The following DENND2A variants were observed in gnomAD, a reference collection of about 807,000 sequenced individuals.
The protein encoded by DENND2A is DENN domain containing 2A.
DENND2A carries 53 observed loss-of-function variants against 105.3 expected under a neutral mutation model. The observed-to-expected ratio is 0.50, with a 90% CI of 0.40 to 0.63. The LOEUF is 0.63. DENND2A is among the 30% of genes least tolerant of loss of function. DENND2A has a pLI of 0.00. For missense variants in DENND2A, 1,138 were observed against 1,279.6 expected (o/e 0.89, Z 1.69); for synonymous variants, 522 against 508.4 (o/e 1.03, Z -0.36).
At chr7:140,582,254 C>T (rs910212257) in intron 5 of DENND2A, among the ~76,000 whole-genome samples, 1 of 152,142 alleles carries the variant, frequency 6.6e-6, no homozygotes, top group East Asian at 1.9e-4. Context: ...CAGGAGCCAC[C>T]GCGCTTGGCC....
chr7:140,550,958 A>G (rs1797108015), intron 12 of DENND2A, among the ~76,000 whole-genome samples: 1 of 152,062 alleles, frequency 6.6e-6, no homozygotes, highest in African/African-American at 2.4e-5. Context: ...TGGGGGAGAC[A>G]GTTAGGGAAA....
chr7:140,572,188 G>A (rs1798119670), intron 6 of DENND2A, among the ~76,000 whole-genome samples: 1 of 151,692 alleles, frequency 6.6e-6, no homozygotes, highest in Admixed American at 6.6e-5. Context: ...AATTTTTTTT[G>A]TAGAGATGGG....
Position 140,527,774 on chromosome 7 carries a change from C to T in DENND2A, c.2328-279G>A, listed in dbSNP as rs1185817113. Reference sequence around the variant, plus strand: ...GCTGCACGCCCTGCACTCTCCCGCCCTGACCTTTTTTTGTGATCTATACTC... The same window carrying T: ...GCTGCACGCCCTGCACTCTCCCGCCTTGACCTTTTTTTGTGATCTATACTC... On this transcript the variant is annotated intron_variant, in intron 14 of 19. Transcript: ENST00000496613. The surrounding 1 kb of genome is among the most constrained non-coding windows in gnomAD (Gnocchi z 4.9). 6.6e-6 allele frequency among the ~76,000 whole-genome samples: 1 copy of T among 152,098 alleles called. No individual in the cohort carries two copies. Among genetic ancestry groups the T allele is most frequent in the Non-Finnish European group, 1.5e-5 (1 of 68,028 alleles).
Position 140,568,782 on chromosome 7 carries a change from G to A in DENND2A, c.1572C>T (p.Asp524=). 14 of 1,614,134 alleles carry A rather than the reference G, an allele frequency of 8.7e-6. No individual in the cohort carries two copies. Among genetic ancestry groups the A allele is most frequent in the Non-Finnish European group, 1.2e-5 (14 of 1,180,004 alleles). The change falls in exon 8 of 20, where the codon GAC becomes GAT. Residue 524 remains aspartate, a synonymous_variant. Coordinates refer to ENST00000496613, the MANE Select transcript of DENND2A (RefSeq NM_015689.5). ...CCTCACCTTTCAGCTTCTCCTCTGTGTCACTGTCAGACTCACTGTTCTCAT... is the reference window on the plus strand; with the variant it reads ...CCTCACCTTTCAGCTTCTCCTCTGTATCACTGTCAGACTCACTGTTCTCAT... ...VTDENSESDS[D]TEEKLKAHSQ...
intron 5 of DENND2A, among the ~76,000 whole-genome samples, chr7:140,583,870 G>T (rs1372163710): frequency 1.4e-5 from 2 of 146,930 alleles, no homozygotes; most frequent in Non-Finnish European, 2.9e-5. Context: ...AGCTTGCAGT[G>T]AGCCAAGATC....
chr7:140,567,259 GGCGCTGGCT>G lies in DENND2A; in HGVS notation c.1597_1605del (p.Ser533_Arg535del), dbSNP rs1797877818. ...TTCAGCCGGGACTTCACGTTGACCA[GGCGCTGGCT>G]GTGAGCTGGGTGAGGGAGGGAGAGA... On this transcript the variant is annotated inframe_deletion, in exon 9 of 20. Transcript: ENST00000496613. 1 of 1,609,878 alleles carries G rather than the reference GGCGCTGGCT, an allele frequency of 6.2e-7. No individual in the cohort carries two copies. Among genetic ancestry groups the G allele is most frequent in the Non-Finnish European group, 8.5e-7 (1 of 1,178,424 alleles).
intron 3 of DENND2A, among the ~76,000 whole-genome samples, chr7:140,599,760 A>C (rs1799415966): frequency 6.6e-6 from 1 of 152,144 alleles, no homozygotes; most frequent in East Asian, 1.9e-4. Flanking sequence ...AGAGAACACA[A>C]GAAATTATGC....
intron 14 of DENND2A, among the ~76,000 whole-genome samples, chr7:140,531,764 G>A (rs889279546): frequency 2.7e-5 from 4 of 149,786 alleles, no homozygotes; most frequent in African/African-American, 9.9e-5. Flanking sequence ...GCAGTGAGCC[G>A]AGAATACGCC....
chr7:140,601,371 G>T (rs773020773), intron 3 of DENND2A, 32 bp downstream of exon 3: 2 of 1,539,038 alleles, frequency 1.3e-6, no homozygotes, highest in Non-Finnish European at 1.7e-6. Flanking sequence ...GAGTCAGGTG[G>T]CGACACTCTG....
intron 1 of DENND2A, among the ~76,000 whole-genome samples, chr7:140,631,645 A>C (rs1800736973): frequency 6.6e-6 from 1 of 152,176 alleles, no homozygotes; most frequent in South Asian, 2.1e-4. Flanking sequence ...AAGGTTGTCT[A>C]TGTTTGTTGA....
intron 1 of DENND2A, among the ~76,000 whole-genome samples, chr7:140,634,798 A>G (rs269252): frequency 0.11 from 16,875 of 151,552 alleles, 3,114 homozygotes; most frequent in African/African-American, 0.38. Context: ...CTTGAAGCTG[A>G]GAGGCAGAGG....
rs185408085 is a variant in DENND2A, at chr7:140,616,236, G to A, written c.-247-10430C>T. 7.9e-5 allele frequency among the ~76,000 whole-genome samples: 12 copies of A among 152,200 alleles called. No individual in the cohort carries two copies. The East Asian group carries it at 1.2e-3, about 15-fold the overall frequency. On this transcript the variant is annotated intron_variant, in intron 1 of 19. Transcript: ENST00000496613. ...ATAAAAATTAGCCAGGTGTGGTGGC[G>A]GGCGCCTGTAACCTAAGCTAGAGGC...
In DENND2A at chr7:140,522,002, C is replaced by T. The variant is rs765581146; in HGVS notation, c.2764G>A (p.Glu922Lys). 7.4e-6 allele frequency: 12 copies of T among 1,614,038 alleles called. No homozygotes were observed. The highest frequency in any genetic ancestry group is 1.6e-4 in the Middle Eastern group (1 of 6,084). ...CGCTGCAGGGTTCTCTCCTCACGCTCGCCCGACGTCAGGAACAAAGAGTAG... is the reference window on the plus strand; with the variant it reads ...CGCTGCAGGGTTCTCTCCTCACGCTTGCCCGACGTCAGGAACAAAGAGTAG... ...GHYSLFLTSG[E>K]REERTLQREA... Residue 922 changes from glutamate (E) to lysine (K), a missense_variant, in exon 18 of 20, where the codon GAG (glutamate) becomes AAG (lysine). Physicochemically the swap from Glu to Lys is moderately conservative, Grantham distance 56 (BLOSUM62 1). This residue lies in a region of DENND2A where 627 missense variants were observed against 779.8 expected (regional missense o/e 0.80). Transcript: ENST00000496613.
chr7:140,525,837 T>G, intron 15 of DENND2A, 45 bp from the exon 16 acceptor site: 4 of 1,551,786 alleles, frequency 2.6e-6, no homozygotes, highest in South Asian at 1.2e-5. Context: ...CCAGGGCTTC[T>G]GGGATAGGGA....
At chr7:140,530,936 T>C (rs1023766556) in intron 14 of DENND2A, among the ~76,000 whole-genome samples, 2 of 152,184 alleles carry the variant, frequency 1.3e-5, no homozygotes, top group African/African-American at 4.8e-5. Flanking sequence ...TTCACCACGT[T>C]GGTCAGGCTG....
At chr7:140,590,316 G>A (rs933159030) in intron 3 of DENND2A, among the ~76,000 whole-genome samples, 5 of 152,088 alleles carry the variant, frequency 3.3e-5, no homozygotes, top group African/African-American at 7.2e-5. Flanking sequence ...CTTGAACCGG[G>A]GAGGTGGAAG....
chr7:140,607,519 G>T (rs140811959), intron 1 of DENND2A, among the ~76,000 whole-genome samples: 7 of 152,256 alleles, frequency 4.6e-5, no homozygotes, highest in African/African-American at 9.6e-5. Flanking sequence ...ACATTGTGGG[G>T]CTTATCTATG....
intron 18 of DENND2A, among the ~76,000 whole-genome samples, chr7:140,521,341 T>C (rs942866042): frequency 1.3e-5 from 2 of 152,030 alleles, no homozygotes. Context: ...TGACATGATC[T>C]CGGCTTATTG....
chr7:140,525,618 C>T (rs1048711444), intron 16 of DENND2A, 133 bp downstream of exon 16: 20 of 739,814 alleles, frequency 2.7e-5, no homozygotes, highest in Middle Eastern at 4.0e-4. Flanking sequence ...AGCCCAGCCC[C>T]GTCCTGGGGT....
Sources: gnomAD v4.1 joint callset for allele counts (sites outside exome capture counted in the v4.1 genomes callset) on GRCh38, gnomAD v4.1.1 for gene constraint, gnomAD v4.1.1 regional missense constraint, Gnocchi (gnomAD v3.1) non-coding constraint, MANE v1.5 for transcripts, NCBI Gene and HGNC (gene_info 2026-07-23, HGNC 2026-07-21) for gene names.